NBEAL1: variants seen among roughly 807,000 people sequenced by gnomAD.
NBEAL1 encodes neurobeachin like 1, also known as neurobeachin-like protein 1.
A neutral mutation model predicts 351.3 loss-of-function variants in NBEAL1; 273 were observed. The observed-to-expected ratio is 0.78, with a 90% CI of 0.70 to 0.86. The LOEUF (loss-of-function observed/expected upper bound fraction) is 0.86. Ranked by LOEUF, NBEAL1 falls within the 40% of genes least tolerant of loss-of-function variation. The pLI is 0.00. For missense variants in NBEAL1, 2,961 were observed against 3,201.3 expected, an observed-to-expected ratio of 0.92 and a Z score of 1.81; for synonymous variants, 1,050 against 1,086.4, an observed-to-expected ratio of 0.97 and a Z score of 0.66.
intron 46 of NBEAL1, among the ~76,000 whole-genome samples, chr2:203,193,279 A>T (rs2065147995): frequency 6.6e-6 from 1 of 151,956 alleles, no homozygotes; most frequent in South Asian, 2.1e-4. Context: ...GCCAGTGTTG[A>T]CATTTTGATC....
At position 203,133,075 on chromosome 2, in the gene NBEAL1, A is replaced by T. The variant is rs888254959; in HGVS notation, c.3742A>T (p.Lys1248Ter). ...TACCATAGATCCTGTTATTAATTTCAAAGATCTACTATCTGTGGTATATAT... is the reference window on the plus strand; with the variant it reads ...TACCATAGATCCTGTTATTAATTTCTAAGATCTACTATCTGTGGTATATAT... ...IINTDPVINF[K>*]DLLSVVYISH... Residue 1248 changes from lysine to a stop codon, truncating the protein, a stop_gained, in exon 27 of 56, where the codon AAA becomes TAA. Transcript: ENST00000683969. LOFTEE classifies it high-confidence loss of function. The T allele has an allele frequency of 6.7e-7, 1 of 1,487,772 alleles. No individual in the cohort carries two copies. Among genetic ancestry groups the T allele is most frequent in the Non-Finnish European group, 9.1e-7 (1 of 1,101,808 alleles). The allele number at this position is 1,487,772 out of a possible 1,614,324, so 92.2% of individuals were successfully genotyped here. A position where few individuals can be genotyped will look rare whatever the true frequency, so the allele number is the denominator to read the frequency against.
intron 27 of NBEAL1, among the ~76,000 whole-genome samples, chr2:203,134,371 G>GA (rs1377583792): frequency 2.6e-5 from 4 of 152,036 alleles, no homozygotes; most frequent in South Asian, 2.1e-4. Context: ...TAATCTGGAA[G>GA]AAAAAAATTG....
intron 27 of NBEAL1, among the ~76,000 whole-genome samples, chr2:203,133,455 C>T (rs1412732814): frequency 6.6e-6 from 1 of 151,750 alleles, no homozygotes; most frequent in African/African-American, 2.4e-5. Flanking sequence ...ATTAATATAC[C>T]ATATTATAGA....
At chr2:203,168,292 T>C (rs563066415) in intron 38 of NBEAL1, among the ~76,000 whole-genome samples, 1 of 152,240 alleles carries the variant, frequency 6.6e-6, no homozygotes, top group Non-Finnish European at 1.5e-5. Flanking sequence ...TGAGATTAAA[T>C]GTGGCAAATT....
intron 11 of NBEAL1, among the ~76,000 whole-genome samples, 193 bp from the exon 12 acceptor site, chr2:203,099,434 CAT>C (rs2062259068): frequency 1.3e-5 from 2 of 152,094 alleles, no homozygotes; most frequent in African/African-American, 4.8e-5. Context: ...TCCTCCTTGA[CAT>C]GTGGTTTATT....
chr2:203,199,784 T>A (rs1340334365), intron 49 of NBEAL1, among the ~76,000 whole-genome samples: 84 of 152,262 alleles, frequency 5.5e-4, no homozygotes, highest in African/African-American at 2.0e-3. Flanking sequence ...AAGTAATGTT[T>A]TGAGATCCAG....
At chr2:203,204,233 C>G (rs1395020534) in intron 51 of NBEAL1, among the ~76,000 whole-genome samples, 1 of 149,356 alleles carries the variant, frequency 6.7e-6, no homozygotes, top group Non-Finnish European at 1.5e-5. Flanking sequence ...GGCCCCATAC[C>G]CTCTTTTTTT....
intron 47 of NBEAL1, among the ~76,000 whole-genome samples, chr2:203,194,277 T>G (rs1559054933): frequency 6.6e-6 from 1 of 152,170 alleles, no homozygotes; most frequent in Non-Finnish European, 1.5e-5. Context: ...TCCTAATAAG[T>G]CCATTGTTAA....
chr2:203,123,356 T>G (rs1246818732), intron 19 of NBEAL1, among the ~76,000 whole-genome samples: 1 of 148,476 alleles, frequency 6.7e-6, no homozygotes, highest in African/African-American at 2.4e-5. Flanking sequence ...TTTTTTTTTT[T>G]GAGGCAGAGT....
chr2:203,072,532 G>A (rs1432409529), intron 7 of NBEAL1, among the ~76,000 whole-genome samples: 3 of 151,976 alleles, frequency 2.0e-5, no homozygotes, highest in African/African-American at 4.8e-5. Context: ...ACTATAAGCA[G>A]TCAGAAGGAG....
chr2:203,159,002 G>A (rs372580897), intron 36 of NBEAL1, among the ~76,000 whole-genome samples: 135 of 151,462 alleles, frequency 8.9e-4, no homozygotes, highest in African/African-American at 2.6e-3. Flanking sequence ...ATTTTTTTAC[G>A]GAGACAGGGT....
Position 203,145,034 on chromosome 2 carries a change from T to C in NBEAL1, c.5178T>C (p.Tyr1726=), listed in dbSNP as rs763274958. Residue 1726 remains tyrosine, a synonymous_variant, in exon 33 of 56, where the codon TAT becomes TAC. Transcript: ENST00000683969. ...EKYIVPYMKQ[Y]EAHTFYDGHE... ...AGATTGTACCTTATATGAAGCAGTA[T>C]GAAGCTCATACATTTTACGATGGTC... 2.5e-6 allele frequency: 4 copies of C among 1,605,740 alleles called. 1 individual carries two copies. The highest frequency in any genetic ancestry group is 2.3e-5 in the South Asian group (2 of 88,846).
At chr2:203,087,794 A>G (rs970045617) in intron 10 of NBEAL1, among the ~76,000 whole-genome samples, 2 of 152,160 alleles carry the variant, frequency 1.3e-5, no homozygotes, top group African/African-American at 2.4e-5. Flanking sequence ...TTTGTGTTTC[A>G]TACTCAACTG....
intron 12 of NBEAL1, among the ~76,000 whole-genome samples, chr2:203,103,336 C>T (rs370445221): frequency 1.3e-4 from 19 of 151,672 alleles, no homozygotes; most frequent in Admixed American, 1.2e-3. Flanking sequence ...TCCAGTGGCG[C>T]GATCTCAGCT....
chr2:203,099,510 G>C, intron 11 of NBEAL1, 119 bp from the exon 12 acceptor site: 2 of 591,094 alleles, frequency 3.4e-6, no homozygotes, highest in East Asian at 5.8e-5. Context: ...TTCATCAGAA[G>C]AGGAATGTAA....
intron 49 of NBEAL1, among the ~76,000 whole-genome samples, chr2:203,200,209 C>T (rs1575120783): frequency 6.6e-6 from 1 of 152,152 alleles, no homozygotes; most frequent in African/African-American, 2.4e-5. Flanking sequence ...AAAACCCCGT[C>T]TCTACTAAAA....
At chr2:203,132,293 C>T (rs1254595658) in intron 26 of NBEAL1, among the ~76,000 whole-genome samples, 161 bp downstream of exon 26, 2 of 152,060 alleles carry the variant, frequency 1.3e-5, no homozygotes, top group African/African-American at 2.4e-5. Context: ...TTTGTCTCCC[C>T]GGGGCGTAGC....
At chr2:203,153,308 T>TA in intron 35 of NBEAL1, among the ~76,000 whole-genome samples, 1 of 147,592 alleles carries the variant, frequency 6.8e-6, no homozygotes, top group Admixed American at 6.7e-5. Context: ...CAGCATTTTT[T>TA]TTTTTTTTTT....
rs545210385 is a variant in NBEAL1 at position 203,065,492 on chromosome 2, C to T, written c.516-2901C>T. Among the ~76,000 whole-genome samples the T allele has an allele frequency of 5.9e-5, 9 of 152,254 alleles. No individual in the cohort carries two copies. The South Asian group carries it at 1.9e-3, about 32-fold the overall frequency. On this transcript the variant is annotated intron_variant, in intron 6 of 55. Transcript: ENST00000683969. The stretch of plus-strand genomic sequence containing the variant: ...GGTGGCTGGGGCGCGGTGGCTCACG[C>T]CTATAATCCCAGCACTTTGGGAGGC...
Sources: allele counts gnomAD v4.1 joint callset (sites outside exome capture counted in the v4.1 genomes callset), GRCh38; gene constraint gnomAD v4.1.1; transcripts MANE v1.5; gene names NCBI Gene and HGNC (gene_info 2026-07-23, HGNC 2026-07-21).